Variants in DTX1 observed in about 807,000 individuals in gnomAD.
DTX1 encodes the protein deltex E3 ubiquitin ligase 1, also known as E3 ubiquitin-protein ligase DTX1.
DTX1 carries 26 observed loss-of-function variants against 57.8 expected under a neutral mutation model. The ratio of observed to expected loss-of-function variants is 0.45; its 90% CI spans 0.33 to 0.62. The LOEUF is 0.62. Ranked by LOEUF, DTX1 falls within the 20% of genes least tolerant of loss-of-function variation. The pLI, the probability that DTX1 is intolerant of heterozygous loss-of-function variation, is 0.02. For synonymous variants in DTX1, 398 were observed against 394.1 expected, an observed-to-expected ratio of 1.01 and a Z score of -0.12; for missense variants, 704 against 895.3, an observed-to-expected ratio of 0.79 and a Z score of 2.73.
Position 113,066,784 on chromosome 12 carries a change from G to A in DTX1, c.259+8333G>A, listed in dbSNP as rs562222662. ...ACACAGAAGCCCTCAAGGTGCTTCTGTTCTGGGGGTGAGGGGTGGAGTGAT... is the reference window on the plus strand; with the variant it reads ...ACACAGAAGCCCTCAAGGTGCTTCTATTCTGGGGGTGAGGGGTGGAGTGAT... On this transcript the variant is annotated intron_variant, in intron 2 of 9. Coordinates refer to ENST00000548759, the MANE Select transcript of DTX1 (RefSeq NM_004416.3). 3.9e-5 allele frequency among the ~76,000 whole-genome samples: 6 copies of A among 152,274 alleles called. No homozygotes were observed. The South Asian group carries it at 8.3e-4, about 21-fold the overall frequency.
intron 2 of DTX1, among the ~76,000 whole-genome samples, chr12:113,069,548 A>C (rs117402567): frequency 6.6e-6 from 1 of 152,254 alleles, no homozygotes; most frequent in Non-Finnish European, 1.5e-5. Flanking sequence ...GCTTAGCCTG[A>C]TGAATCCCAG....
chr12:113,094,151 G>T, intron 6 of DTX1, 52 bp downstream of exon 6: 1 of 1,504,942 alleles, frequency 6.6e-7, no homozygotes, highest in East Asian at 2.5e-5. Context: ...GAGGGGGCAG[G>T]AACCCTCACC....
chr12:113,058,869 T>A (rs1381842150), intron 2 of DTX1, among the ~76,000 whole-genome samples: 1 of 152,172 alleles, frequency 6.6e-6, no homozygotes, highest in African/African-American at 2.4e-5. Context: ...CTGTGTATTG[T>A]TGTATTATTA....
chr12:113,087,604 T>C (rs1245401467), intron 3 of DTX1, among the ~76,000 whole-genome samples: 3 of 152,134 alleles, frequency 2.0e-5, no homozygotes, highest in Admixed American at 1.3e-4. Context: ...GGGGGGTCCC[T>C]AAAGCACTGT....
chr12:113,090,879 T>G (rs1592854279), intron 3 of DTX1, among the ~76,000 whole-genome samples: 1 of 152,268 alleles, frequency 6.6e-6, no homozygotes, highest in Middle Eastern at 3.4e-3. Context: ...GAGGTGTGGG[T>G]CAGAGCATGT....
chr12:113,095,267 TCTC>T, intron 8 of DTX1, 55 bp from the exon 9 acceptor site: 1 of 1,611,414 alleles, frequency 6.2e-7, no homozygotes, highest in Non-Finnish European at 8.5e-7. Context: ...TCCAGATGCT[TCTC>T]CACCCTGCCA....
At chr12:113,079,547 A>G (rs1160492054) in intron 3 of DTX1, among the ~76,000 whole-genome samples, 7 of 49,304 alleles carry the variant, frequency 1.4e-4, no homozygotes, top group South Asian at 6.0e-4. Context: ...TTTTTTTTTG[A>G]GATACAGTTT....
At chr12:113,063,301 A>G (rs1374090715) in intron 2 of DTX1, among the ~76,000 whole-genome samples, 1 of 152,168 alleles carries the variant, frequency 6.6e-6, no homozygotes, top group African/African-American at 2.4e-5. Flanking sequence ...CTGCTCCCAG[A>G]GAAGAAGCCA....
chr12:113,056,736 G>C lies in DTX1; in HGVS notation c.-953G>C, dbSNP rs2044625566. 1 of 152,136 alleles carries C rather than the reference G, an allele frequency of 6.6e-6. No individual in the cohort carries two copies. Among genetic ancestry groups the C allele is most frequent in the Non-Finnish European group, 1.5e-5 (1 of 68,042 alleles). 9.4% of individuals were successfully genotyped at this position (152,136 alleles called of 1,614,324 possible). The stretch of plus-strand genomic sequence containing the variant: ...ACGGCCGAGGCCTCCTCCCACCCGC[G>C]AGATCCCGGCGGCCGCCAGCCGGCT... On this transcript the variant is annotated 5_prime_UTR_variant, in exon 1 of 10. Coordinates refer to ENST00000548759, the MANE Select transcript of DTX1 (RefSeq NM_004416.3).
At chr12:113,073,149 T>C (rs1201254403) in intron 2 of DTX1, among the ~76,000 whole-genome samples, 1 of 152,132 alleles carries the variant, frequency 6.6e-6, no homozygotes, top group African/African-American at 2.4e-5. Context: ...ATCCTGCACA[T>C]TTTTCAGGTA....
intron 2 of DTX1, among the ~76,000 whole-genome samples, chr12:113,064,477 GTCTAA>G (rs2044690455): frequency 6.6e-6 from 1 of 152,206 alleles, no homozygotes; most frequent in African/African-American, 2.4e-5. Context: ...CCATTTCAGA[GTCTAA>G]TCTATCCATT....
chr12:113,062,549 C>G (rs975812606), intron 2 of DTX1, among the ~76,000 whole-genome samples: 1 of 152,182 alleles, frequency 6.6e-6, no homozygotes, highest in Non-Finnish European at 1.5e-5. Context: ...GTTCACTGAC[C>G]CCTGCCCCAC....
Position 113,097,887 on chromosome 12 carries a change from C to T in DTX1, c.*948C>T, listed in dbSNP as rs1211012085. 3 of 152,760 alleles carry T rather than the reference C, an allele frequency of 2.0e-5. No individual in the cohort carries two copies. Among genetic ancestry groups the T allele is most frequent in the Non-Finnish European group, 2.9e-5 (2 of 68,090 alleles). 9.5% of individuals were successfully genotyped at this position (152,760 alleles called of 1,614,324 possible). A position where few individuals can be genotyped will look rare whatever the true frequency, so the allele number is the denominator to read the frequency against. ...TTCGGCCAACCAGGGGCCTGTTGCC[C>T]AGGCAACTCACCAGCTCCGCCTCTG... On this transcript the variant is annotated 3_prime_UTR_variant, in exon 10 of 10. Coordinates refer to ENST00000548759, the MANE Select transcript of DTX1 (RefSeq NM_004416.3).
intron 2 of DTX1, among the ~76,000 whole-genome samples, chr12:113,076,123 G>A (rs1447615505): frequency 6.6e-6 from 1 of 152,078 alleles, no homozygotes; most frequent in Non-Finnish European, 1.5e-5. Context: ...GAATACGGGA[G>A]TGGGCTGAAG....
At chr12:113,084,547 G>A (rs528600869) in intron 3 of DTX1, among the ~76,000 whole-genome samples, 4 of 152,218 alleles carry the variant, frequency 2.6e-5, no homozygotes, top group African/African-American at 4.8e-5. Context: ...CACCATGCCC[G>A]GCCAATTTTT....
intron 3 of DTX1, among the ~76,000 whole-genome samples, chr12:113,083,714 A>G (rs1392334732): frequency 3.3e-5 from 5 of 152,198 alleles, no homozygotes; most frequent in Non-Finnish European, 7.4e-5. Flanking sequence ...CAGTCTTTCC[A>G]TATCTCTTTG....
chr12:113,079,513 CTCTTTTT>C (rs2044799945), intron 3 of DTX1, among the ~76,000 whole-genome samples: 1 of 103,396 alleles, frequency 9.7e-6, no homozygotes, highest in South Asian at 3.1e-4. Context: ...TTGGCCACTT[CTCTTTTT>C]TTTTTTTTTT....
At chr12:113,064,069 T>A (rs2044688147) in intron 2 of DTX1, among the ~76,000 whole-genome samples, 2 of 152,190 alleles carry the variant, frequency 1.3e-5, no homozygotes, top group South Asian at 2.1e-4. Context: ...TGGGGCTTGT[T>A]GTCAGGGTCT....
At position 113,093,243 on chromosome 12, in the gene DTX1, G is replaced by T. The variant is rs765803475; in HGVS notation, c.1003+20G>T. 6.3e-7 allele frequency: 1 copy of T among 1,577,388 alleles called. No individual in the cohort carries two copies. Among genetic ancestry groups the T allele is most frequent in the East Asian group, 2.3e-5 (1 of 42,732 alleles). On this transcript the variant is annotated intron_variant, in intron 4 of 9. Transcript: ENST00000548759. This position sits in a 1 kb window ranked among gnomAD's most constrained non-coding sequence, Gnocchi z 4.2. ...TGGCAGGTGAGGTCTGGCCCAGGGC[G>T]GGAAAGAAGGGCGGGGCCCACTAGG...
Sources: gnomAD v4.1 joint callset for allele counts (sites outside exome capture counted in the v4.1 genomes callset) on GRCh38, gnomAD v4.1.1 for gene constraint, Gnocchi (gnomAD v3.1) non-coding constraint, MANE v1.5 for transcripts, NCBI Gene and HGNC (gene_info 2026-07-23, HGNC 2026-07-21) for gene names.